The following AGA variants were observed in gnomAD, a reference collection of about 807,000 sequenced individuals.
AGA encodes N(4)-(beta-N-acetylglucosaminyl)-L-asparaginase.
A neutral mutation model predicts 40.1 loss-of-function variants in AGA; 31 were observed. That is an observed-to-expected ratio of 0.77 (90% CI 0.58 to 1.04). The LOEUF (loss-of-function observed/expected upper bound fraction) is 1.04. Among genes scored for constraint, AGA ranks in the 50% least tolerant of loss-of-function variants. AGA has a pLI of 0.00. For missense variants in AGA, 445 were observed against 435.4 expected (o/e 1.02, Z -0.20); for synonymous variants, 148 against 144.0 (o/e 1.03, Z -0.20).
chr4:177,431,844 A>C (rs374356962), intron 8 of AGA, 36 bp from the exon 9 acceptor site: 148 of 1,527,272 alleles, frequency 9.7e-5, no homozygotes, highest in Non-Finnish European at 1.3e-4. Context: ...TTGGTGAACT[A>C]TAGGATGCAC....
intron 8 of AGA, 54 bp from the exon 9 acceptor site, chr4:177,431,862 T>C: frequency 7.1e-7 from 1 of 1,416,082 alleles, no homozygotes; most frequent in Admixed American, 1.7e-5. Flanking sequence ...CACATATTTA[T>C]AACCAATACA....
chr4:177,436,454 G>A, intron 5 of AGA, 103 bp from the exon 6 acceptor site: 1 of 953,782 alleles, frequency 1.0e-6, no homozygotes. Flanking sequence ...CTGAATGTTT[G>A]TGTTCCCCCA....
At chr4:177,437,179 A>G (rs1736850007) in intron 5 of AGA, 2 of 503,012 alleles carry the variant, frequency 4.0e-6, no homozygotes, top group African/African-American at 3.9e-5. Context: ...TCAAATAAAG[A>G]TTTAAAAATC....
chr4:177,437,330 A>T, intron 5 of AGA, 75 bp downstream of exon 5: 1 of 1,013,968 alleles, frequency 9.9e-7, no homozygotes, highest in Non-Finnish European at 1.5e-6. Context: ...AACTTCTGGT[A>T]GAAGAATAGG....
At chr4:177,433,416 G>A (rs1560945993) in intron 7 of AGA, 69 bp from the exon 8 acceptor site, 1 of 1,599,452 alleles carries the variant, frequency 6.3e-7, no homozygotes, top group Non-Finnish European at 8.6e-7. Flanking sequence ...GTTACTTGAA[G>A]TTAGAAATTA....
In AGA at chr4:177,437,482, T is replaced by C. The variant is rs1314658888; in HGVS notation, c.545A>G (p.Tyr182Cys). ...IPDPSKYCGPYKPPGILKQDI... is the reference protein window; with the variant it reads ...IPDPSKYCGPCKPPGILKQDI... ...CTGCTTTAAGATACCAGGTGGTTTG[T>C]AGGGTCCGCAGTATTTTGAGGGATC... The change falls in exon 5 of 9, where the codon TAC (tyrosine) becomes TGC (cysteine). Residue 182 changes from tyrosine to cysteine, a missense_variant. Transcript: ENST00000264595. 8.1e-6 allele frequency: 13 copies of C among 1,612,922 alleles called. No individual in the cohort carries two copies. Among genetic ancestry groups the C allele is most frequent in the Non-Finnish European group, 1.1e-5 (13 of 1,179,106 alleles).
At position 177,442,159 on chromosome 4, in the gene AGA, C is replaced by T. The variant is rs534921965; in HGVS notation, c.127+90G>A. 11 of 1,572,574 alleles carry T rather than the reference C, an allele frequency of 7.0e-6. No individual in the cohort carries two copies. In the South Asian group the frequency reaches 9.1e-5, roughly 13 times the overall value. ...GCCCAGCCCGGCGCTCTTCCGTCCG[C>T]CCTGCCGGGTGACTGCAGCGGGGCG... is the stretch of plus-strand genomic sequence containing the variant. On this transcript the variant is annotated intron_variant, in intron 1 of 8. Transcript: ENST00000264595.
intron 1 of AGA, 61 bp from the exon 2 acceptor site, chr4:177,440,487 CA>C (rs958977553): frequency 1.3e-6 from 2 of 1,541,316 alleles, no homozygotes; most frequent in African/African-American, 2.8e-5. Flanking sequence ...ATGCCAAATG[CA>C]ACAAACCAAC....
chr4:177,433,268 G>T lies in AGA; in HGVS notation c.886C>A (p.His296Asn). ...ACAGCCCCAAAGAATTCTGGAAAAT[G>T]CTTCTGGATTCTTGAAATCACTTTT... The part of the protein sequence containing the change: ...CQKVISRIQK[H>N]FPEFFGAVIC... The change falls in exon 8 of 9, where the codon CAT (histidine) becomes AAT (asparagine). Residue 296 changes from histidine to asparagine, a missense_variant. His to Asn is a moderately conservative substitution (Grantham distance 68, BLOSUM62 1). Coordinates refer to ENST00000264595, the MANE Select transcript of AGA (RefSeq NM_000027.4). The T allele has an allele frequency of 6.2e-7, 1 of 1,614,082 alleles. No individual in the cohort carries two copies. The highest frequency in any genetic ancestry group is 8.5e-7 in the Non-Finnish European group (1 of 1,179,976).
At position 177,442,322 on chromosome 4, in the gene AGA, C is replaced by G. The variant is rs779972747; in HGVS notation, c.54G>C (p.Gln18His). 6 of 1,614,008 alleles carry G rather than the reference C, an allele frequency of 3.7e-6. No individual in the cohort carries two copies. The Admixed American group carries it at 1.0e-4, about 27-fold the overall frequency. Residue 18 changes from glutamine (Q) to histidine (H), a missense_variant, in exon 1 of 9, where the codon CAG (glutamine) becomes CAC (histidine). Gln to His is a conservative substitution (Grantham distance 24, BLOSUM62 0). Transcript: ENST00000264595. ...PVLLVPFLLC[Q>H]ALVRCSSPLP... ...GAGGGCTGGAGCAGCGCACTAGGGC[C>G]TGGCAGAGCAGAAACGGCACGAGAA...
intron 8 of AGA, among the ~76,000 whole-genome samples, chr4:177,432,263 ATCAAGTTCATCTTC>A (rs1736657031): frequency 1.3e-5 from 2 of 152,154 alleles, no homozygotes; most frequent in Admixed American, 1.3e-4. Flanking sequence ...GCTTTGTCTA[ATCAAGTTCATCTTC>A]TCATGCTCAA....
At chr4:177,440,040 T>C (rs1736944184) in intron 2 of AGA, 7 of 601,134 alleles carry the variant, frequency 1.2e-5, no homozygotes, top group Non-Finnish European at 1.2e-5. Context: ...CATAGTTTTT[T>C]AGCTTGGCAT....
At chr4:177,433,896 T>C (rs576628924) in intron 7 of AGA, among the ~76,000 whole-genome samples, 4 of 151,216 alleles carry the variant, frequency 2.6e-5, no homozygotes, top group East Asian at 3.9e-4. Flanking sequence ...ACTTGAATGA[T>C]TATCATTATC....
intron 6 of AGA, 33 bp from the exon 7 acceptor site, chr4:177,434,522 A>G (rs769706515): frequency 6.4e-7 from 1 of 1,554,868 alleles, no homozygotes; most frequent in Admixed American, 1.7e-5. Context: ...TACGGCAGGA[A>G]ATCGAGTGTA....
chr4:177,439,913 C>T (rs1371422069), intron 2 of AGA: 3 of 595,570 alleles, frequency 5.0e-6, no homozygotes, highest in African/African-American at 3.7e-5. Flanking sequence ...CACTAAAATT[C>T]TCAGTTTCTC....
chr4:177,441,896 G>A (rs915875793), intron 1 of AGA, among the ~76,000 whole-genome samples: 10 of 152,206 alleles, frequency 6.6e-5, no homozygotes, highest in African/African-American at 2.2e-4. Context: ...AGGTGGAGAC[G>A]TACACAGCCC....
chr4:177,431,575 A>G lies in AGA; in HGVS notation c.*133T>C. ...CAGATATAGAAAGTGCCAATTCAAC[A>G]TAAATTTATTTTTGTGTTTATTTTA... On this transcript the variant is annotated 3_prime_UTR_variant, in exon 9 of 9. Transcript: ENST00000264595. The G allele has an allele frequency of 1.3e-6, 1 of 771,708 alleles. No homozygotes were observed. Among genetic ancestry groups the G allele is most frequent in the Non-Finnish European group, 2.2e-6 (1 of 445,782 alleles). The allele number at this position is 771,708 out of a possible 1,614,324, so 47.8% of individuals were successfully genotyped here.
At chr4:177,434,528 G>C (rs1736745273) in intron 6 of AGA, 39 bp from the exon 7 acceptor site, 1 of 1,517,334 alleles carries the variant, frequency 6.6e-7, no homozygotes, top group Non-Finnish European at 9.2e-7. Context: ...AGGAAATCGA[G>C]TGTAAAACAC....
Position 177,436,323 on chromosome 4 carries a change from A to G in AGA, c.651T>C (p.His217=). Residue 217 remains histidine (H), a synonymous_variant, in exon 6 of 9, where the codon CAT becomes CAC. Transcript: ENST00000264595. The part of the protein sequence containing the change: ...IGMVVIHKTG[H]IAAGTSTNGI... ...CATTTGTAGATGTACCAGCAGCAATATGTCCTGTCTTATGGATTACAACCA... is the reference window on the plus strand; with the variant it reads ...CATTTGTAGATGTACCAGCAGCAATGTGTCCTGTCTTATGGATTACAACCA... 1 of 1,613,586 alleles carries G rather than the reference A, an allele frequency of 6.2e-7. No individual in the cohort carries two copies.
Sources: gnomAD v4.1 joint callset for allele counts (sites outside exome capture counted in the v4.1 genomes callset) on GRCh38, gnomAD v4.1.1 for gene constraint, MANE v1.5 for transcripts, NCBI Gene and HGNC (gene_info 2026-07-23, HGNC 2026-07-21) for gene names.